The following ADGRA3 variants were observed in gnomAD, a reference collection of about 807,000 sequenced individuals.
ADGRA3 encodes the protein adhesion G protein-coupled receptor A3, also known as G-protein coupled receptor 125.
ADGRA3 carries 56 observed loss-of-function variants against 119.8 expected under a neutral mutation model. The ratio of observed to expected loss-of-function variants is 0.47; its 90% confidence interval spans 0.38 to 0.58. The LOEUF (loss-of-function observed/expected upper bound fraction) is 0.58. Ranked by LOEUF, ADGRA3 falls within the 20% of genes least tolerant of loss-of-function variation. The probability of loss-of-function intolerance (pLI) is 0.00; values close to 1 mark genes in which losing one functional copy is unlikely to be tolerated. For missense variants in ADGRA3, 1,516 were observed against 1,649.0 expected (o/e 0.92, Z 1.40); for synonymous variants, 607 against 623.8 (o/e 0.97, Z 0.40).
At chr4:22,450,047 A>G (rs1716977510) in intron 4 of ADGRA3, among the ~76,000 whole-genome samples, 1 of 152,184 alleles carries the variant, frequency 6.6e-6, no homozygotes, top group African/African-American at 2.4e-5. Flanking sequence ...ACACAAGTGA[A>G]GTAATTAGCT....
At chr4:22,392,065 G>A (rs1714155703) in intron 17 of ADGRA3, among the ~76,000 whole-genome samples, 1 of 152,150 alleles carries the variant, frequency 6.6e-6, no homozygotes, top group South Asian at 2.1e-4. Context: ...AACAAGCTTG[G>A]TCATCACTGA....
chr4:22,506,419 G>A (rs908170505), intron 1 of ADGRA3, among the ~76,000 whole-genome samples: 3 of 152,120 alleles, frequency 2.0e-5, no homozygotes, highest in Non-Finnish European at 2.9e-5. Context: ...CAGGCATGGT[G>A]GTGCGTGTCT....
At chr4:22,424,380 A>G in intron 10 of ADGRA3, 28 bp from the exon 11 acceptor site, 1 of 1,601,650 alleles carries the variant, frequency 6.2e-7, no homozygotes, top group Non-Finnish European at 8.5e-7. Context: ...GAAAAAAGAA[A>G]GATCTTTAAA....
At chr4:22,469,573 T>C (rs945671323) in intron 2 of ADGRA3, among the ~76,000 whole-genome samples, 1 of 152,184 alleles carries the variant, frequency 6.6e-6, no homozygotes, top group South Asian at 2.1e-4. Flanking sequence ...TACCACTTCT[T>C]TGAGTTCTCA....
In ADGRA3 at chr4:22,515,878, C is replaced by CGCG; in HGVS notation, c.-95_-94insCGC. The CGCG allele has an allele frequency of 1.2e-6, 1 of 862,186 alleles. No homozygotes were observed. The allele number at this position is 862,186 out of a possible 1,614,324, so 53.4% of individuals were successfully genotyped here. A position where few individuals can be genotyped will look rare whatever the true frequency, so the allele number is the denominator to read the frequency against. ...GGGCAGGAGCGCGGCGCGGGCCCAG[C>CGCG]GGCGACCGGAGCCTTATGGCGGCCG... is the stretch of plus-strand genomic sequence containing the variant. On this transcript the variant is annotated 5_prime_UTR_variant, in exon 1 of 19. Coordinates refer to ENST00000334304, the MANE Select transcript of ADGRA3 (RefSeq NM_145290.4).
intron 1 of ADGRA3, among the ~76,000 whole-genome samples, chr4:22,510,710 A>T (rs2109188219): frequency 6.6e-6 from 1 of 152,058 alleles, no homozygotes. Flanking sequence ...CACTCAATCC[A>T]ATCCTTCCCT....
rs554726448 is a variant in ADGRA3, at chr4:22,458,225, G to C, written c.402-3288C>G. Among the ~76,000 whole-genome samples, 49 of 152,188 alleles carry C rather than the reference G, an allele frequency of 3.2e-4. 1 individual carries two copies. Among genetic ancestry groups the C allele is most frequent in the Non-Finnish European group, 2.5e-4 (17 of 68,004 alleles). On this transcript the variant is annotated intron_variant, in intron 3 of 18. Transcript: ENST00000334304. ...TTGAGGACTCATGTTCCTAGGCATG[G>C]GTGCAAAACTGACTCCAGCACAGAC... is the stretch of plus-strand genomic sequence containing the variant.
rs113939136 is a variant in ADGRA3, at chr4:22,421,128, T to A, written c.1606-39A>T. 2.5e-4 allele frequency: 381 copies of A among 1,553,530 alleles called. 2 individuals are homozygous for A. In the African/African-American group the frequency reaches 4.5e-3, roughly 18 times the overall value. On this transcript the variant is annotated intron_variant, in intron 11 of 18. Transcript: ENST00000334304. ...TCAAACAGGAGTTATGAACGATTTA[T>A]AGCACAAAGGAAAAGCACTTTCAAA... is the stretch of plus-strand genomic sequence containing the variant.
intron 10 of ADGRA3, among the ~76,000 whole-genome samples, chr4:22,428,865 C>T (rs1478478268): frequency 1.3e-5 from 2 of 152,132 alleles, no homozygotes; most frequent in Non-Finnish European, 2.9e-5. Context: ...CTGCAATCAT[C>T]ATCAGGGTTA....
chr4:22,412,154 A>G (rs2109021910), intron 14 of ADGRA3, among the ~76,000 whole-genome samples: 1 of 152,296 alleles, frequency 6.6e-6, no homozygotes, highest in African/African-American at 2.4e-5. Flanking sequence ...CAGAAATAAC[A>G]TAGAAGTTCC....
At chr4:22,403,233 C>G (rs145099100) in intron 14 of ADGRA3, among the ~76,000 whole-genome samples, 1 of 151,770 alleles carries the variant, frequency 6.6e-6, no homozygotes, top group Non-Finnish European at 1.5e-5. Flanking sequence ...CCTAACTATC[C>G]GTAGCCAAGT....
At chr4:22,475,209 T>TA (rs1327761805) in intron 1 of ADGRA3, among the ~76,000 whole-genome samples, 14 of 152,132 alleles carry the variant, frequency 9.2e-5, no homozygotes, top group African/African-American at 3.1e-4. Context: ...CCATTATTGA[T>TA]AAAATGGGAA....
rs1265287916 is a variant in ADGRA3 at position 22,468,436 on chromosome 4, T to C, written c.329+5336A>G. ...GTCACTAAATACTGGTAACAAAATA[T>C]ATAGCACAATACAAGAATGTCAATT... On this transcript the variant is annotated intron_variant, in intron 2 of 18. Coordinates refer to ENST00000334304, the MANE Select transcript of ADGRA3 (RefSeq NM_145290.4). Among the ~76,000 whole-genome samples, 7 of 152,060 alleles carry C rather than the reference T, an allele frequency of 4.6e-5. 1 individual carries two copies. Among genetic ancestry groups the C allele is most frequent in the African/African-American group, 1.7e-4 (7 of 41,406 alleles).
chr4:22,467,961 A>G (rs1469858390), intron 2 of ADGRA3, among the ~76,000 whole-genome samples: 1 of 152,246 alleles, frequency 6.6e-6, no homozygotes, highest in Non-Finnish European at 1.5e-5. Flanking sequence ...ACCAGGTAAG[A>G]TGCCTTTAAC....
intron 1 of ADGRA3, among the ~76,000 whole-genome samples, chr4:22,484,583 C>T (rs1358888015): frequency 6.9e-6 from 1 of 144,862 alleles, no homozygotes; most frequent in Non-Finnish European, 1.5e-5. Context: ...CTAGCCTAGG[C>T]GATAGAGTGA....
intron 1 of ADGRA3, among the ~76,000 whole-genome samples, chr4:22,513,808 C>T (rs1719536597): frequency 1.6e-5 from 2 of 125,900 alleles, no homozygotes; most frequent in Non-Finnish European, 3.1e-5. Flanking sequence ...CCACCATGCC[C>T]AACCTTAACT....
chr4:22,389,965 A>C (rs2108991368), intron 17 of ADGRA3, among the ~76,000 whole-genome samples: 1 of 152,228 alleles, frequency 6.6e-6, no homozygotes, highest in East Asian at 1.9e-4. Flanking sequence ...TAAAGGCAAT[A>C]TCTCTGATAC....
intron 14 of ADGRA3, among the ~76,000 whole-genome samples, chr4:22,407,210 G>T (rs1355579715): frequency 6.6e-6 from 1 of 152,214 alleles, no homozygotes; most frequent in Non-Finnish European, 1.5e-5. Context: ...GGCGGAGCTT[G>T]CAGTGAGCCG....
chr4:22,442,859 A>C lies in ADGRA3; in HGVS notation c.711T>G (p.Pro237=), dbSNP rs773165916. The change falls in exon 7 of 19, where the codon CCT becomes CCG. Residue 237 remains proline (P), a synonymous_variant. Coordinates refer to ENST00000334304, the MANE Select transcript of ADGRA3 (RefSeq NM_145290.4). ...TGTAGAAAGACGGCAATTCAAGCGG[A>C]GGGTCTAGAGACAATCAAACAAAGA... The part of the protein sequence containing the change: ...GVKQELLTCD[P]PLELPSFYMT... The C allele has an allele frequency of 1.2e-6, 2 of 1,610,128 alleles. No individual in the cohort carries two copies. Among genetic ancestry groups the C allele is most frequent in the Admixed American group, 1.7e-5 (1 of 59,912 alleles).
Sources: allele counts gnomAD v4.1 joint callset (sites outside exome capture counted in the v4.1 genomes callset), GRCh38; gene constraint gnomAD v4.1.1; transcripts MANE v1.5; gene names NCBI Gene and HGNC (gene_info 2026-07-23, HGNC 2026-07-21).